Variants in TRPS1 observed in about 807,000 individuals in gnomAD.
The protein encoded by TRPS1 is zinc finger transcription factor Trps1.
In TRPS1, 6 loss-of-function variants were observed where a neutral mutation model predicts 101.2. The ratio of observed to expected loss-of-function variants is 0.06; its 90% CI spans 0.03 to 0.12. The LOEUF is 0.12. Among genes scored for constraint, TRPS1 ranks in the 10% least tolerant of loss-of-function variants. The probability of loss-of-function intolerance (pLI) is 1.00; values close to 1 mark genes in which losing one functional copy is unlikely to be tolerated. For synonymous variants in TRPS1, 578 were observed against 589.8 expected, an observed-to-expected ratio of 0.98 and a Z score of 0.29; for missense variants, 1,363 against 1,567.0, an observed-to-expected ratio of 0.87 and a Z score of 2.20.
chr8:115,526,095 G>C (rs1012053159), intron 5 of TRPS1, among the ~76,000 whole-genome samples: 1 of 152,090 alleles, frequency 6.6e-6, no homozygotes. Context: ...GATTAAGAAC[G>C]TTCTGGGTCT....
chr8:115,598,752 G>A lies in TRPS1; in HGVS notation c.2096+5121C>T, dbSNP rs571648846. 1.9e-3 allele frequency among the ~76,000 whole-genome samples: 286 copies of A among 152,254 alleles called. 3 individuals carry two copies. Among genetic ancestry groups the A allele is most frequent in the South Asian group, 6.2e-3 (30 of 4,826 alleles). On this transcript the variant is annotated intron_variant, in intron 4 of 6. Transcript: ENST00000395715. The stretch of plus-strand genomic sequence containing the variant: ...TTTGATGGGCAGAAAATACAAGGTT[G>A]ACTATTTGATGTTTTTTCCAAACTC...
intron 1 of TRPS1, among the ~76,000 whole-genome samples, chr8:115,663,467 T>C (rs374754714): frequency 1.3e-5 from 2 of 152,150 alleles, no homozygotes; most frequent in Admixed American, 6.5e-5. Flanking sequence ...TAGCCACTTG[T>C]AAAGTATTTA....
chr8:115,436,991 C>G (rs942864369), intron 5 of TRPS1, among the ~76,000 whole-genome samples: 9 of 152,084 alleles, frequency 5.9e-5, no homozygotes, highest in Non-Finnish European at 2.9e-5. Flanking sequence ...CAGTCTTCTA[C>G]AAGTTATCTG....
At position 115,604,022 on chromosome 8, in the gene TRPS1, C is replaced by T; in HGVS notation, c.1947G>A (p.Val649=). Residue 649 remains valine (V), a synonymous_variant, in exon 4 of 7, where the codon GTG becomes GTA. Transcript: ENST00000395715. The surrounding 1 kb of genome is among the most constrained non-coding windows in gnomAD (Gnocchi z 4.1). ...TGACATCCGATGCTTGGGACTCATG[C>T]ACACTTTCATAGTGAAAGAGGAGTA... ...VDVLLFHYES[V]HESQASDVKQ... is the part of the protein sequence containing the mutation. 6.2e-7 allele frequency: 1 copy of T among 1,614,004 alleles called. No individual in the cohort carries two copies. Among genetic ancestry groups the T allele is most frequent in the African/African-American group, 1.3e-5 (1 of 75,008 alleles).
At chr8:115,543,556 A>G (rs978459669) in intron 5 of TRPS1, among the ~76,000 whole-genome samples, 1 of 152,156 alleles carries the variant, frequency 6.6e-6, no homozygotes, top group Non-Finnish European at 1.5e-5. Flanking sequence ...CTATATACCA[A>G]GATAAAAAGT....
chr8:115,416,096 C>G (rs1273049811), intron 6 of TRPS1, among the ~76,000 whole-genome samples: 1 of 151,892 alleles, frequency 6.6e-6, no homozygotes, highest in African/African-American at 2.4e-5. Flanking sequence ...TGTTGAAAAT[C>G]TAAATTCATG....
In TRPS1 at chr8:115,535,127, GCA is replaced by G. The variant is rs1253848369; in HGVS notation, c.2700+51872_2700+51873del. 3.3e-4 allele frequency among the ~76,000 whole-genome samples: 49 copies of G among 146,316 alleles called. 1 individual carries two copies. The East Asian group carries it at 7.8e-3, about 23-fold the overall frequency. ...ATAGCATATATATCGCATATGTATA[GCA>G]TATATATAGCATATATATAGCATAT... On this transcript the variant is annotated intron_variant, in intron 5 of 6. Coordinates refer to ENST00000395715, the MANE Select transcript of TRPS1 (RefSeq NM_014112.5).
At chr8:115,444,529 T>C (rs1299876741) in intron 5 of TRPS1, among the ~76,000 whole-genome samples, 3 of 152,230 alleles carry the variant, frequency 2.0e-5, no homozygotes, top group Admixed American at 6.5e-5. Context: ...ATTTTATTGG[T>C]AGTTCTAACA....
At chr8:115,584,061 T>C (rs537493323) in intron 5 of TRPS1, among the ~76,000 whole-genome samples, 11 of 152,046 alleles carry the variant, frequency 7.2e-5, no homozygotes, top group Non-Finnish European at 1.6e-4. Flanking sequence ...AAGACTAATA[T>C]GCTGAAAGCA....
At chr8:115,525,660 T>G (rs1473017436) in intron 5 of TRPS1, among the ~76,000 whole-genome samples, 1 of 152,178 alleles carries the variant, frequency 6.6e-6, no homozygotes, top group East Asian at 1.9e-4. Context: ...ACAAAGCTTC[T>G]GAATACAAAA....
chr8:115,430,734 T>C (rs1251390268), intron 5 of TRPS1, among the ~76,000 whole-genome samples: 1 of 152,068 alleles, frequency 6.6e-6, no homozygotes, highest in African/African-American at 2.4e-5. Flanking sequence ...CATATATACA[T>C]ACATACACTC....
At position 115,413,545 on chromosome 8, in the gene TRPS1, C is replaced by G. The variant is rs1456498254; in HGVS notation, c.*478G>C. On this transcript the variant is annotated 3_prime_UTR_variant, in exon 7 of 7. Transcript: ENST00000395715. ...TTTTTCTTTCATTGCCCTGGACCTTCAATTTCTCCTCCTCTGCCTAGGGTT... is the reference window on the plus strand; with the variant it reads ...TTTTTCTTTCATTGCCCTGGACCTTGAATTTCTCCTCCTCTGCCTAGGGTT... 1 of 153,954 alleles carries G rather than the reference C, an allele frequency of 6.5e-6. No individual in the cohort carries two copies. The highest frequency in any genetic ancestry group is 1.4e-5 in the Non-Finnish European group (1 of 69,046). 9.5% of individuals were successfully genotyped at this position (153,954 alleles called of 1,614,324 possible).
intron 5 of TRPS1, among the ~76,000 whole-genome samples, chr8:115,429,468 C>T (rs1311437175): frequency 6.6e-6 from 1 of 152,124 alleles, no homozygotes; most frequent in Admixed American, 6.5e-5. Flanking sequence ...TACTCGCACC[C>T]GGCTCTCTCT....
At chr8:115,442,546 G>GGTGT (rs1554620810) in intron 5 of TRPS1, among the ~76,000 whole-genome samples, 10 of 132,390 alleles carry the variant, frequency 7.6e-5, no homozygotes, top group Non-Finnish European at 1.4e-4. Flanking sequence ...ATCCAAGTAT[G>GGTGT]GTGCGTGTGT....
At chr8:115,492,756 C>T (rs1288482687) in intron 5 of TRPS1, among the ~76,000 whole-genome samples, 1 of 152,104 alleles carries the variant, frequency 6.6e-6, no homozygotes, top group Non-Finnish European at 1.5e-5. Context: ...CTCTGTCACC[C>T]AGGCTGGAGT....
intron 1 of TRPS1, among the ~76,000 whole-genome samples, chr8:115,664,828 T>C (rs1041621594): frequency 6.6e-6 from 1 of 152,180 alleles, no homozygotes; most frequent in East Asian, 1.9e-4. Flanking sequence ...CTAGCTGTCC[T>C]GCGGAAACTA....
intron 1 of TRPS1, chr8:115,637,150 G>C (rs945219824): frequency 1.5e-6 from 1 of 652,410 alleles, no homozygotes; most frequent in Non-Finnish European, 1.9e-6. Flanking sequence ...CAGCAAACAG[G>C]AGTAAGAGAA....
Position 115,410,985 on chromosome 8 carries a change from TTATAA to T in TRPS1, c.*3033_*3037del, listed in dbSNP as rs1812775791. The T allele has an allele frequency of 6.6e-6, 1 of 151,694 alleles. No individual in the cohort carries two copies. Among genetic ancestry groups the T allele is most frequent in the South Asian group, 2.1e-4 (1 of 4,824 alleles). The allele number at this position is 151,694 out of a possible 1,614,324, so 9.4% of individuals were successfully genotyped here. Reference sequence around the variant, plus strand: ...AAATCTTAAATTAAAAAAATAAATTTTATAATATATCTTGAGAGATGGAATAAAGG... The same window carrying T: ...AAATCTTAAATTAAAAAAATAAATTTTATATCTTGAGAGATGGAATAAAGG... On this transcript the variant is annotated 3_prime_UTR_variant, in exon 7 of 7. Coordinates refer to ENST00000395715, the MANE Select transcript of TRPS1 (RefSeq NM_014112.5).
At chr8:115,513,505 T>C (rs1354887693) in intron 5 of TRPS1, among the ~76,000 whole-genome samples, 2 of 151,696 alleles carry the variant, frequency 1.3e-5, no homozygotes, top group Non-Finnish European at 3.0e-5. Context: ...CTATCCATTG[T>C]AAAGGCTTTT....
Sources: gnomAD v4.1 joint callset for allele counts (sites outside exome capture counted in the v4.1 genomes callset) on GRCh38, gnomAD v4.1.1 for gene constraint, Gnocchi (gnomAD v3.1) non-coding constraint, MANE v1.5 for transcripts, NCBI Gene and HGNC (gene_info 2026-07-23, HGNC 2026-07-21) for gene names.